Variants in MAP2K5 observed in about 807,000 individuals in gnomAD.
MAP2K5 encodes dual specificity mitogen-activated protein kinase kinase 5.
A neutral mutation model predicts 83.1 loss-of-function variants in MAP2K5; 49 were observed. The observed-to-expected ratio is 0.59, with a 90% confidence interval of 0.47 to 0.75. MAP2K5 has a LOEUF of 0.75. Ranked by LOEUF, MAP2K5 falls within the 30% of genes least tolerant of loss-of-function variation. MAP2K5 has a pLI of 0.00. For synonymous variants in MAP2K5, 202 were observed against 191.8 expected (o/e 1.05, Z -0.44); for missense variants, 457 against 557.5 (o/e 0.82, Z 1.82).
intron 7 of MAP2K5, among the ~76,000 whole-genome samples, chr15:67,597,175 GA>G (rs949198849): frequency 2.0e-5 from 2 of 98,704 alleles, no homozygotes; most frequent in East Asian, 3.7e-4. Context: ...CTCAAAAAAA[GA>G]AAAAAAAAAG....
intron 8 of MAP2K5, 22 bp downstream of exon 8, chr15:67,600,771 A>T: frequency 4.4e-6 from 7 of 1,576,164 alleles, no homozygotes; most frequent in Middle Eastern, 1.7e-4. Context: ...ATTTTGTTTA[A>T]ACTTTCTATC....
rs373986190 is a variant in MAP2K5, at chr15:67,792,615, T to C, written c.1243-14031T>C. On this transcript the variant is annotated intron_variant, in intron 21 of 21. Transcript: ENST00000178640. The stretch of plus-strand genomic sequence containing the variant: ...CTACAAAATGCTCCAGACCCTAAAA[T>C]ATAAAACTTCCCACTGAGTTTCTGA... Among the ~76,000 whole-genome samples, 175 of 152,306 alleles carry C rather than the reference T, an allele frequency of 1.1e-3. 1 individual carries two copies. The highest frequency in any genetic ancestry group is 3.9e-3 in the African/African-American group (163 of 41,562).
rs1159048825 is a variant in MAP2K5 at position 67,724,546 on chromosome 15, C to T, written c.1045-3370C>T. On this transcript the variant is annotated intron_variant, in intron 16 of 21. Transcript: ENST00000178640. This position sits in a 1 kb window ranked among gnomAD's most constrained non-coding sequence, Gnocchi z 4.4. ...AGCAGCTGTGACTACAGACACGTGCCACCACACGCCTCTCATTTTTGTAGA... is the reference window on the plus strand; with the variant it reads ...AGCAGCTGTGACTACAGACACGTGCTACCACACGCCTCTCATTTTTGTAGA... Among the ~76,000 whole-genome samples, 2 of 152,148 alleles carry T rather than the reference C, an allele frequency of 1.3e-5. No individual in the cohort carries two copies. The highest frequency in any genetic ancestry group is 2.9e-5 in the Non-Finnish European group (2 of 68,022).
chr15:67,672,652 G>A (rs1400672393), intron 13 of MAP2K5, among the ~76,000 whole-genome samples: 3 of 149,260 alleles, frequency 2.0e-5, no homozygotes, highest in Admixed American at 2.0e-4. Flanking sequence ...CTGTGCAGAA[G>A]CTCTTTAGTT....
At position 67,774,786 on chromosome 15, in the gene MAP2K5, G is replaced by A. The variant is rs2090208198; in HGVS notation, c.1242+2034G>A. On this transcript the variant is annotated intron_variant, in intron 21 of 21. Coordinates refer to ENST00000178640, the MANE Select transcript of MAP2K5 (RefSeq NM_145160.3). The surrounding 1 kb of genome is among the most constrained non-coding windows in gnomAD (Gnocchi z 4.9). ...GGGGCCTGTGCCTTTCACAAAAAGA[G>A]CAGTTTATCTCCCAAGCATGGTAAC... is the stretch of plus-strand genomic sequence containing the variant. Among the ~76,000 whole-genome samples the A allele has an allele frequency of 6.6e-6, 1 of 152,204 alleles. No individual in the cohort carries two copies. The highest frequency in any genetic ancestry group is 2.4e-5 in the African/African-American group (1 of 41,448).
intron 12 of MAP2K5, among the ~76,000 whole-genome samples, chr15:67,661,422 C>T (rs1032928344): frequency 6.6e-6 from 1 of 152,188 alleles, no homozygotes; most frequent in Non-Finnish European, 1.5e-5. Context: ...TGATTGACAA[C>T]AGATATAAGT....
At chr15:67,737,844 C>CTTTTTTTT (rs35988425) in intron 17 of MAP2K5, among the ~76,000 whole-genome samples, 5 of 69,304 alleles carry the variant, frequency 7.2e-5, no homozygotes, top group Non-Finnish European at 9.8e-5. Context: ...ATAGAATAGT[C>CTTTTTTTT]TTTTTTTTTT....
At chr15:67,776,100 T>A (rs1225773212) in intron 21 of MAP2K5, among the ~76,000 whole-genome samples, 1 of 152,146 alleles carries the variant, frequency 6.6e-6, no homozygotes, top group Non-Finnish European at 1.5e-5. Flanking sequence ...AAGAGCCTAT[T>A]GCAGAAATCA....
intron 8 of MAP2K5, among the ~76,000 whole-genome samples, chr15:67,614,815 G>A (rs1023526472): frequency 7.2e-5 from 11 of 152,234 alleles, no homozygotes; most frequent in South Asian, 2.1e-4. Flanking sequence ...AGAAGAAATG[G>A]CAAATGTAGA....
chr15:67,666,601 C>T (rs928218711), intron 13 of MAP2K5, among the ~76,000 whole-genome samples: 2 of 152,138 alleles, frequency 1.3e-5, no homozygotes, highest in African/African-American at 4.8e-5. Flanking sequence ...GCAACTTGGG[C>T]TAAGAAAGGG....
chr15:67,633,817 A>G (rs2086529554), intron 9 of MAP2K5, among the ~76,000 whole-genome samples: 2 of 152,242 alleles, frequency 1.3e-5, no homozygotes, highest in South Asian at 4.1e-4. Flanking sequence ...GGCAAAAACC[A>G]TGTAACTTGT....
Position 67,654,836 on chromosome 15 carries a change from G to A in MAP2K5, c.737-3717G>A, listed in dbSNP as rs150415439. ...AGCACTTTGGGAGGCCGAGGTGCGC[G>A]GATCACCTGAGGTCAGGAGTTCAAG... On this transcript the variant is annotated intron_variant, in intron 11 of 21. Coordinates refer to ENST00000178640, the MANE Select transcript of MAP2K5 (RefSeq NM_145160.3). Among the ~76,000 whole-genome samples the A allele has an allele frequency of 4.3e-3, 654 of 152,138 alleles. 6 individuals carry two copies. The highest frequency in any genetic ancestry group is 0.014 in the African/African-American group (588 of 41,524).
At chr15:67,556,738 A>C (rs2084634734) in intron 2 of MAP2K5, among the ~76,000 whole-genome samples, 1 of 151,966 alleles carries the variant, frequency 6.6e-6, no homozygotes, top group Non-Finnish European at 1.5e-5. Flanking sequence ...TTTTTAGTAG[A>C]GACAGGGTTT....
intron 12 of MAP2K5, among the ~76,000 whole-genome samples, chr15:67,660,697 G>C (rs1340010017): frequency 1.3e-5 from 2 of 152,066 alleles, no homozygotes; most frequent in African/African-American, 4.8e-5. Context: ...AGCCTTTACA[G>C]CCACCTTGTA....
rs1158774341 is a variant in MAP2K5 at position 67,777,597 on chromosome 15, G to A, written c.1242+4845G>A. ...CCATTCTATCTGTATGTAAATGCGT[G>A]AGGCACAGCTGGATATTGCAGAGGA... is the stretch of plus-strand genomic sequence containing the variant. On this transcript the variant is annotated intron_variant, in intron 21 of 21. Transcript: ENST00000178640. The surrounding 1 kb of genome is among the most constrained non-coding windows in gnomAD (Gnocchi z 6.0). 6.6e-6 allele frequency among the ~76,000 whole-genome samples: 1 copy of A among 152,218 alleles called. No homozygotes were observed. Among genetic ancestry groups the A allele is most frequent in the Non-Finnish European group, 1.5e-5 (1 of 68,046 alleles).
chr15:67,711,854 T>A (rs529092778), intron 16 of MAP2K5, among the ~76,000 whole-genome samples: 5 of 152,220 alleles, frequency 3.3e-5, no homozygotes, highest in Non-Finnish European at 7.3e-5. Context: ...GGACGAGATA[T>A]GTGGAGCCAG....
At chr15:67,751,875 GA>G (rs1332190423) in intron 19 of MAP2K5, among the ~76,000 whole-genome samples, 2 of 152,140 alleles carry the variant, frequency 1.3e-5, no homozygotes, top group African/African-American at 4.8e-5. Flanking sequence ...CGGGCCTCTT[GA>G]AGTGTATAGA....
chr15:67,553,332 C>T (rs901457505), intron 2 of MAP2K5, among the ~76,000 whole-genome samples: 1 of 152,172 alleles, frequency 6.6e-6, no homozygotes, highest in African/African-American at 2.4e-5. Context: ...ATAGATAAAC[C>T]TCTACTACTC....
rs2090127885 is a variant in MAP2K5 at position 67,770,860 on chromosome 15, G to A, written c.1196+1197G>A. Among the ~76,000 whole-genome samples the A allele has an allele frequency of 6.6e-6, 1 of 152,024 alleles. No homozygotes were observed. Reference sequence around the variant, plus strand: ...ATATTCCATAGAAAATATATGTGAGGAAGAAATTTTTCTCCCCAATTAAAA... The same window carrying A: ...ATATTCCATAGAAAATATATGTGAGAAAGAAATTTTTCTCCCCAATTAAAA... On this transcript the variant is annotated intron_variant, in intron 20 of 21. Coordinates refer to ENST00000178640, the MANE Select transcript of MAP2K5 (RefSeq NM_145160.3). The surrounding 1 kb of genome is among the most constrained non-coding windows in gnomAD (Gnocchi z 5.0).
Sources: allele counts gnomAD v4.1 joint callset (sites outside exome capture counted in the v4.1 genomes callset), GRCh38; gene constraint gnomAD v4.1.1; non-coding constraint Gnocchi (gnomAD v3.1); transcripts MANE v1.5; gene names NCBI Gene and HGNC (gene_info 2026-07-23, HGNC 2026-07-21).